Variants in NSUN6 observed in about 807,000 individuals in gnomAD.
NSUN6 encodes the protein NOP2/Sun RNA methyltransferase 6.
Under a neutral mutation model 58.0 loss-of-function variants are expected in NSUN6, and 64 were observed. The observed-to-expected ratio is 1.10, with a 90% CI of 0.90 to 1.36. The LOEUF is 1.36. NSUN6 is among the 40% of genes most tolerant of loss of function. The pLI is 0.00. For synonymous variants in NSUN6, 231 were observed against 193.9 expected, an observed-to-expected ratio of 1.19 and a Z score of -1.59; for missense variants, 701 against 550.1, an observed-to-expected ratio of 1.27 and a Z score of -2.74.
At chr10:18,593,443 A>G (rs2057455121) in intron 7 of NSUN6, among the ~76,000 whole-genome samples, 1 of 152,216 alleles carries the variant, frequency 6.6e-6, no homozygotes, top group Non-Finnish European at 1.5e-5. Flanking sequence ...AATAGCAAAG[A>G]CTTGGAACCA....
intron 8 of NSUN6, among the ~76,000 whole-genome samples, chr10:18,579,392 G>C (rs2056806562): frequency 6.6e-6 from 1 of 152,042 alleles, no homozygotes; most frequent in African/African-American, 2.4e-5. Flanking sequence ...GGATGGTGTT[G>C]ATCTCCTGAC....
At chr10:18,648,378 C>T in intron 2 of NSUN6, 112 bp downstream of exon 2, 1 of 646,630 alleles carries the variant, frequency 1.5e-6, no homozygotes, top group Non-Finnish European at 2.6e-6. Flanking sequence ...GGTCCTCAAT[C>T]TCCTTATCTG....
At chr10:18,562,241 G>A (rs1312983822) in intron 8 of NSUN6, among the ~76,000 whole-genome samples, 3 of 151,122 alleles carry the variant, frequency 2.0e-5, no homozygotes, top group Non-Finnish European at 2.9e-5. Context: ...ATGGAGAATG[G>A]AATGGATTGG....
rs1440709999 is a variant in NSUN6, at chr10:18,594,229, T to C, written c.777+1979A>G. 6.0e-5 allele frequency among the ~76,000 whole-genome samples: 9 copies of C among 150,464 alleles called. No individual in the cohort carries two copies. In the Middle Eastern group the frequency reaches 0.01, roughly 173 times the overall value. ...AAAAAAAAAAAGAAAGCAAGCCTGGTGACATTCATATATTTTAAAACATAC... is the reference window on the plus strand; with the variant it reads ...AAAAAAAAAAAGAAAGCAAGCCTGGCGACATTCATATATTTTAAAACATAC... On this transcript the variant is annotated intron_variant, in intron 7 of 10. Transcript: ENST00000377304.
At chr10:18,602,057 T>C (rs539858417) in intron 6 of NSUN6, among the ~76,000 whole-genome samples, 3 of 151,278 alleles carry the variant, frequency 2.0e-5, no homozygotes, top group South Asian at 4.2e-4. Flanking sequence ...TTCCTGGTAA[T>C]GGTGGGGTTG....
chr10:18,629,118 G>T (rs1357603482), intron 3 of NSUN6, among the ~76,000 whole-genome samples: 2 of 152,124 alleles, frequency 1.3e-5, no homozygotes, highest in East Asian at 3.9e-4. Context: ...TTAAAGAAAA[G>T]AATTTTCAAC....
At chr10:18,599,753 T>C (rs1260720587) in intron 6 of NSUN6, among the ~76,000 whole-genome samples, 2 of 152,244 alleles carry the variant, frequency 1.3e-5, no homozygotes, top group African/African-American at 2.4e-5. Flanking sequence ...CCAACCTCTT[T>C]AAATTGTTTA....
At chr10:18,657,777 C>T (rs1044685903), upstream of NSUN6, among the ~76,000 whole-genome samples, 4 of 152,000 alleles carry the variant, frequency 2.6e-5, no homozygotes, top group East Asian at 1.9e-4. Flanking sequence ...CCACACCCGG[C>T]TAATTTTTGT....
intron 8 of NSUN6, among the ~76,000 whole-genome samples, chr10:18,570,427 TTC>T (rs1346753316): frequency 1.1e-4 from 17 of 150,304 alleles, no homozygotes; most frequent in Admixed American, 8.1e-4. Flanking sequence ...CTCCATTCCA[TTC>T]TCCATTCCAT....
intron 7 of NSUN6, 29 bp downstream of exon 7, chr10:18,596,179 G>C (rs759149266): frequency 6.3e-6 from 10 of 1,581,066 alleles, no homozygotes; most frequent in Non-Finnish European, 8.7e-6. Flanking sequence ...ACTACTTTGA[G>C]AGTGGATTTG....
chr10:18,648,656 GTTC>G lies in NSUN6; in HGVS notation c.76-14_76-12del, dbSNP rs1425416269. On this transcript the variant is annotated splice_polypyrimidine_tract_variant and intron_variant, in intron 1 of 10. Transcript: ENST00000377304. The stretch of plus-strand genomic sequence containing the variant: ...TAAAGCAGTCACAATCTAAAAAGAA[GTTC>G]ATGTTTAAATTTCCTGAGAATTAAA... 5.2e-6 allele frequency: 8 copies of G among 1,550,160 alleles called. No individual in the cohort carries two copies. Among genetic ancestry groups the G allele is most frequent in the Non-Finnish European group, 7.1e-6 (8 of 1,127,350 alleles).
At chr10:18,625,851 G>T (rs768208217) in intron 3 of NSUN6, among the ~76,000 whole-genome samples, 1 of 150,524 alleles carries the variant, frequency 6.6e-6, no homozygotes, top group Non-Finnish European at 1.5e-5. Context: ...AAAAGACAAC[G>T]TACTGTTAAA....
At chr10:18,606,005 T>C (rs549094490) in intron 6 of NSUN6, among the ~76,000 whole-genome samples, 2 of 152,176 alleles carry the variant, frequency 1.3e-5, no homozygotes, top group African/African-American at 2.4e-5. Context: ...GGATCAGAGA[T>C]AGACATGATG....
intron 2 of NSUN6, among the ~76,000 whole-genome samples, chr10:18,644,039 C>A (rs768035493): frequency 1.3e-5 from 2 of 152,092 alleles, no homozygotes; most frequent in Non-Finnish European, 2.9e-5. Context: ...AATTTACATA[C>A]CATAAATTTC....
At chr10:18,585,043 C>G (rs1026954791) in intron 8 of NSUN6, among the ~76,000 whole-genome samples, 1 of 150,636 alleles carries the variant, frequency 6.6e-6, no homozygotes. Context: ...ATACAAATAG[C>G]CAACAAGTTT....
chr10:18,645,606 C>A (rs768953164), intron 2 of NSUN6, among the ~76,000 whole-genome samples: 2 of 152,122 alleles, frequency 1.3e-5, no homozygotes, highest in Admixed American at 6.6e-5. Flanking sequence ...ATGAATATAT[C>A]ACATTTTGTT....
intron 3 of NSUN6, among the ~76,000 whole-genome samples, chr10:18,628,322 A>G (rs564160741): frequency 6.6e-6 from 1 of 152,264 alleles, no homozygotes; most frequent in South Asian, 2.1e-4. Context: ...GAGCAGAAAA[A>G]CTGGAAACTC....
chr10:18,611,447 T>C (rs1294551651), intron 5 of NSUN6, among the ~76,000 whole-genome samples: 1 of 152,272 alleles, frequency 6.6e-6, no homozygotes. Context: ...TGTTGGTCTT[T>C]AGAGTAAAAT....
At chr10:18,622,509 T>A (rs2058646259) in intron 3 of NSUN6, among the ~76,000 whole-genome samples, 1 of 152,046 alleles carries the variant, frequency 6.6e-6, no homozygotes, top group African/African-American at 2.4e-5. Context: ...AGGTCAGGAG[T>A]TCGAGACCAG....
Sources: allele counts gnomAD v4.1 joint callset (sites outside exome capture counted in the v4.1 genomes callset), GRCh38; gene constraint gnomAD v4.1.1; transcripts MANE v1.5; gene names NCBI Gene and HGNC (gene_info 2026-07-23, HGNC 2026-07-21).